The following FLNB variants were observed in gnomAD, a reference collection of about 807,000 sequenced individuals.
FLNB encodes filamin B, also known as filamin-B.
Under a neutral mutation model 250.6 loss-of-function variants are expected in FLNB, and 111 were observed. The ratio of observed to expected loss-of-function variants is 0.44; its 90% CI spans 0.38 to 0.52. FLNB has a LOEUF of 0.52. Among genes scored for constraint, FLNB ranks in the 20% least tolerant of loss-of-function variants. The pLI, the probability that FLNB is intolerant of heterozygous loss-of-function variation, is 0.00. For missense variants in FLNB, 2,869 were observed against 3,447.8 expected (o/e 0.83, Z 4.20); for synonymous variants, 1,302 against 1,372.1 (o/e 0.95, Z 1.13).
intron 1 of FLNB, among the ~76,000 whole-genome samples, chr3:58,035,979 C>G (rs892690595): frequency 6.6e-5 from 10 of 152,174 alleles, no homozygotes; most frequent in Non-Finnish European, 1.3e-4. Context: ...TCTTATTCCA[C>G]AAAGCTTAAT....
chr3:58,068,227 GA>G (rs2097188840), intron 1 of FLNB, among the ~76,000 whole-genome samples: 1 of 152,248 alleles, frequency 6.6e-6, no homozygotes, highest in African/African-American at 2.4e-5. Flanking sequence ...GGGAGAAGGG[GA>G]CAAAGGCCAC....
chr3:58,061,663 T>C (rs1283779865), intron 1 of FLNB, among the ~76,000 whole-genome samples: 3 of 150,984 alleles, frequency 2.0e-5, no homozygotes, highest in Non-Finnish European at 4.4e-5. Context: ...AGCCTGATCC[T>C]CAGAGGTCGA....
intron 1 of FLNB, among the ~76,000 whole-genome samples, chr3:58,010,504 G>A (rs2097097054): frequency 6.6e-6 from 1 of 152,102 alleles, no homozygotes; most frequent in African/African-American, 2.4e-5. Context: ...ATGGCACGCT[G>A]TTGTCTTCTT....
chr3:58,063,043 C>T (rs889666724), intron 1 of FLNB, among the ~76,000 whole-genome samples: 1 of 152,136 alleles, frequency 6.6e-6, no homozygotes, highest in East Asian at 1.9e-4. Context: ...GAGGGAGTTA[C>T]GACTCTCATT....
chr3:58,067,542 A>G (rs567404904), intron 1 of FLNB, among the ~76,000 whole-genome samples: 14 of 150,176 alleles, frequency 9.3e-5, no homozygotes, highest in Non-Finnish European at 1.9e-4. Context: ...GAACATCCCC[A>G]CATTATAGTT....
intron 1 of FLNB, among the ~76,000 whole-genome samples, chr3:58,061,222 A>C (rs4681781): frequency 2.0e-5 from 3 of 152,202 alleles, no homozygotes; most frequent in Admixed American, 1.3e-4. Context: ...CAGTCTGTAC[A>C]TAGATGAATT....
At chr3:58,043,259 C>T (rs2097148812) in intron 1 of FLNB, among the ~76,000 whole-genome samples, 1 of 150,966 alleles carries the variant, frequency 6.6e-6, no homozygotes. Flanking sequence ...CTCAGCCTCC[C>T]AAGTAGTTGG....
At chr3:58,147,449 C>T (rs9809627) in intron 34 of FLNB, among the ~76,000 whole-genome samples, 167 of 152,286 alleles carry the variant, frequency 1.1e-3, no homozygotes, top group African/African-American at 3.9e-3. Context: ...TATCAAATTC[C>T]AAAGCCCATG....
intron 1 of FLNB, among the ~76,000 whole-genome samples, chr3:58,025,290 C>A (rs183463473): frequency 6.6e-6 from 1 of 151,570 alleles, no homozygotes; most frequent in African/African-American, 2.4e-5. Flanking sequence ...CCACCACACC[C>A]GGCTAATTTT....
chr3:58,105,844 A>C (rs2097258680), intron 11 of FLNB, among the ~76,000 whole-genome samples: 1 of 152,252 alleles, frequency 6.6e-6, no homozygotes, highest in African/African-American at 2.4e-5. Context: ...GTCGTTTAGC[A>C]ACCCGTTTTA....
chr3:58,167,555 G>T (rs572370954), intron 43 of FLNB, among the ~76,000 whole-genome samples: 1 of 152,376 alleles, frequency 6.6e-6, no homozygotes, highest in East Asian at 1.9e-4. Flanking sequence ...CACTGTAGCA[G>T]GCATGCGCCA....
intron 11 of FLNB, among the ~76,000 whole-genome samples, chr3:58,106,233 G>C (rs898283601): frequency 2.6e-5 from 4 of 151,986 alleles, no homozygotes; most frequent in Non-Finnish European, 5.9e-5. Flanking sequence ...ATTTGGTGGT[G>C]CTAAGAGTGG....
intron 1 of FLNB, among the ~76,000 whole-genome samples, chr3:58,025,014 CTTTT>C (rs60873331): frequency 6.7e-5 from 9 of 134,862 alleles, no homozygotes; most frequent in Non-Finnish European, 6.3e-5. Context: ...CCCAGCCTTC[CTTTT>C]TTTTTTTTTT....
At position 58,112,268 on chromosome 3, in the gene FLNB, A is replaced by T. The variant is rs1378254918; in HGVS notation, c.2695A>T (p.Ile899Phe). Residue 899 changes from isoleucine (I) to phenylalanine (F), a missense_variant, in exon 18 of 46, where the codon ATC becomes TTC. By Grantham distance (21) the Ile-to-Phe change is conservative (BLOSUM62 0). Coordinates refer to ENST00000295956, the MANE Select transcript of FLNB (RefSeq NM_001457.4). ...CGATGCAGTGAAGGATTTGGATATC[A>T]TCGATAATTATGACTACTCTCACAC... ...PGDAVKDLDIIDNYDYSHTVK... is the reference protein window; with the variant it reads ...PGDAVKDLDIFDNYDYSHTVK... 1 of 1,614,038 alleles carries T rather than the reference A, an allele frequency of 6.2e-7. No individual in the cohort carries two copies. Among genetic ancestry groups the T allele is most frequent in the South Asian group, 1.1e-5 (1 of 91,076 alleles).
At chr3:58,101,545 A>G (rs990482680) in intron 8 of FLNB, among the ~76,000 whole-genome samples, 4 of 152,240 alleles carry the variant, frequency 2.6e-5, no homozygotes, top group Admixed American at 2.0e-4. Context: ...TTTTCAAGCT[A>G]GACCCGGAAA....
At chr3:58,105,609 G>A (rs1016623934) in intron 11 of FLNB, among the ~76,000 whole-genome samples, 6 of 152,204 alleles carry the variant, frequency 3.9e-5, no homozygotes, top group Admixed American at 1.3e-4. Context: ...CATGTCTAAT[G>A]TATATATGAT....
In FLNB at chr3:58,149,491, T is replaced by C. The variant is rs1237618943; in HGVS notation, c.6092-359T>C. The C allele has an allele frequency of 1.2e-5, 4 of 333,036 alleles. No homozygotes were observed. The Admixed American group carries it at 1.4e-4, about 11-fold the overall frequency. The allele number at this position is 333,036 out of a possible 1,614,324, so 20.6% of individuals were successfully genotyped here. On this transcript the variant is annotated intron_variant, in intron 36 of 45. Coordinates refer to ENST00000295956, the MANE Select transcript of FLNB (RefSeq NM_001457.4). ...AGGGGCTATTTAAAAATTCAAAATC[T>C]CAGATCTGGCTGTGGATAAACCCCC...
rs141852743 is a variant in FLNB at position 58,125,401 on chromosome 3, G to A, written c.3899-180G>A. Among the ~76,000 whole-genome samples, 4,161 of 152,272 alleles carry A rather than the reference G, an allele frequency of 0.027. 191 individuals are homozygous for A. The highest frequency in any genetic ancestry group is 0.094 in the African/African-American group (3,922 of 41,552). On this transcript the variant is annotated intron_variant, in intron 22 of 45. Transcript: ENST00000295956. ...ACCCACCTCGGCCTCCCAAAGTGCTGGGATTATAGGTGTAAGCCACTGCCC... is the reference window on the plus strand; with the variant it reads ...ACCCACCTCGGCCTCCCAAAGTGCTAGGATTATAGGTGTAAGCCACTGCCC...
intron 1 of FLNB, among the ~76,000 whole-genome samples, chr3:58,029,753 C>T (rs989660587): frequency 6.6e-6 from 1 of 151,978 alleles, no homozygotes; most frequent in South Asian, 2.1e-4. Context: ...TCCCAACCCC[C>T]CCGACCTCCC....
Sources: allele counts gnomAD v4.1 joint callset (sites outside exome capture counted in the v4.1 genomes callset), GRCh38; gene constraint gnomAD v4.1.1; transcripts MANE v1.5; gene names NCBI Gene and HGNC (gene_info 2026-07-23, HGNC 2026-07-21).